Variants in RASA2 observed in about 807,000 individuals in gnomAD.
RASA2 encodes the protein RAS p21 protein activator 2.
In RASA2, 155 loss-of-function variants were observed where a neutral mutation model predicts 118.2. The observed-to-expected ratio is 1.31, with a 90% CI of 1.15 to 1.50. The LOEUF is 1.50. Among genes scored for constraint, RASA2 ranks in the 40% most tolerant of loss-of-function variants. RASA2 has a pLI of 0.00. For missense variants in RASA2, 1,016 were observed against 1,009.6 expected, an observed-to-expected ratio of 1.01 and a Z score of -0.09; for synonymous variants, 353 against 349.1, an observed-to-expected ratio of 1.01 and a Z score of -0.12.
At chr3:141,571,178 T>A in intron 10 of RASA2, 110 bp downstream of exon 10, 1 of 1,212,252 alleles carries the variant, frequency 8.2e-7, no homozygotes, top group Non-Finnish European at 1.1e-6. Flanking sequence ...ACAGTAAAAA[T>A]TATATACATA....
chr3:141,586,311 A>G (rs1207325687), intron 18 of RASA2, among the ~76,000 whole-genome samples: 2 of 152,172 alleles, frequency 1.3e-5, no homozygotes, highest in Non-Finnish European at 2.9e-5. Context: ...TTGTTTTGCA[A>G]TTATAGTGAG....
At chr3:141,523,768 A>G (rs1192066799) in intron 3 of RASA2, among the ~76,000 whole-genome samples, 2 of 152,186 alleles carry the variant, frequency 1.3e-5, no homozygotes, top group Non-Finnish European at 2.9e-5. Context: ...CTTGGTTCAG[A>G]ACCATATAGA....
At chr3:141,504,030 A>G (rs1319974587) in intron 1 of RASA2, among the ~76,000 whole-genome samples, 3 of 152,210 alleles carry the variant, frequency 2.0e-5, no homozygotes, top group Non-Finnish European at 2.9e-5. Flanking sequence ...CCAAAGTTAT[A>G]TACACACGCA....
At chr3:141,520,158 A>G (rs112819562) in intron 3 of RASA2, among the ~76,000 whole-genome samples, 4,652 of 151,744 alleles carry the variant, frequency 0.031, 236 homozygotes, top group African/African-American at 0.1. Flanking sequence ...GATTACAGGC[A>G]TGCAACACCA....
Position 141,487,063 on chromosome 3 carries a change from C to G in RASA2, c.-21C>G. 1.6e-6 allele frequency: 2 copies of G among 1,247,342 alleles called. No individual in the cohort carries two copies. The highest frequency in any genetic ancestry group is 2.0e-6 in the Non-Finnish European group (2 of 989,878). 77.3% of individuals were successfully genotyped at this position (1,247,342 alleles called of 1,614,324 possible). A position where few individuals can be genotyped will look rare whatever the true frequency, so the allele number is the denominator to read the frequency against. On this transcript the variant is annotated 5_prime_UTR_variant, in exon 1 of 24. Coordinates refer to ENST00000286364, the MANE Select transcript of RASA2 (RefSeq NM_006506.5). ...CCCGGCTACGCAGGCGGCAGGGCTG[C>G]GGCACGGGCCGGGCGGCACCATGGC...
At position 141,614,954 on chromosome 3, in the gene RASA2, A is replaced by G. The variant is rs916043226; in HGVS notation, c.*2641A>G. On this transcript the variant is annotated 3_prime_UTR_variant, in exon 24 of 24. Coordinates refer to ENST00000286364, the MANE Select transcript of RASA2 (RefSeq NM_006506.5). The stretch of plus-strand genomic sequence containing the variant: ...TTTCATTTATGCCAGGTTTTGAAAA[A>G]CAGATCTTTTTCTTAAGTGAAAGCA... 20 of 152,158 alleles carry G rather than the reference A, an allele frequency of 1.3e-4. No homozygotes were observed. The highest frequency in any genetic ancestry group is 2.4e-4 in the Non-Finnish European group (16 of 68,032). The allele number at this position is 152,158 out of a possible 1,614,324, so 9.4% of individuals were successfully genotyped here.
At chr3:141,492,531 G>A (rs2081651324) in intron 1 of RASA2, among the ~76,000 whole-genome samples, 2 of 152,110 alleles carry the variant, frequency 1.3e-5, no homozygotes, top group Non-Finnish European at 2.9e-5. Flanking sequence ...TGACAAATTT[G>A]TTTTCCTGTC....
At chr3:141,584,007 T>C (rs1382680738) in intron 17 of RASA2, among the ~76,000 whole-genome samples, 2 of 151,292 alleles carry the variant, frequency 1.3e-5, no homozygotes, top group Non-Finnish European at 2.9e-5. Flanking sequence ...ATCAAAGTAA[T>C]GGTAGATTAA....
chr3:141,501,221 C>T (rs541641030), intron 1 of RASA2, among the ~76,000 whole-genome samples: 49 of 152,202 alleles, frequency 3.2e-4, no homozygotes, highest in Non-Finnish European at 2.4e-4. Flanking sequence ...AAAGGTTGGA[C>T]GTGTTTCCAT....
intron 6 of RASA2, among the ~76,000 whole-genome samples, chr3:141,554,943 A>G (rs2082626456): frequency 6.6e-6 from 1 of 152,134 alleles, no homozygotes; most frequent in Non-Finnish European, 1.5e-5. Flanking sequence ...ACAGTTAGAG[A>G]CAATTTGGCA....
At chr3:141,542,783 A>AC (rs1305254013) in intron 5 of RASA2, among the ~76,000 whole-genome samples, 13 of 152,078 alleles carry the variant, frequency 8.5e-5, no homozygotes, top group Non-Finnish European at 1.5e-4. Context: ...TATAGTCATA[A>AC]CCACTCCTCT....
rs564990226 is a variant in RASA2 at position 141,518,377 on chromosome 3, G to A, written c.355+1946G>A. On this transcript the variant is annotated intron_variant, in intron 3 of 23. Coordinates refer to ENST00000286364, the MANE Select transcript of RASA2 (RefSeq NM_006506.5). ...GCGCACCTGTAGTCCCAGCTACTCA[G>A]GAGGCTGAGGCAGAAGAATCGCTTG... Among the ~76,000 whole-genome samples, 169 of 149,252 alleles carry A rather than the reference G, an allele frequency of 1.1e-3. 1 individual carries two copies. The highest frequency in any genetic ancestry group is 3.9e-3 in the African/African-American group (158 of 40,568).
In RASA2 at chr3:141,491,662, C is replaced by A. The variant is rs2081641225; in HGVS notation, c.133+4446C>A. Among the ~76,000 whole-genome samples, 3 of 152,094 alleles carry A rather than the reference C, an allele frequency of 2.0e-5. No homozygotes were observed. In the South Asian group the frequency reaches 6.2e-4, roughly 32 times the overall value. ...ATGAGTCTGCATCAGGAAGTTCATC[C>A]CTTTCAAAATCACAGTGCCCACTAA... On this transcript the variant is annotated intron_variant, in intron 1 of 23. Transcript: ENST00000286364.
At chr3:141,535,599 G>C (rs1276129389) in intron 4 of RASA2, among the ~76,000 whole-genome samples, 1 of 152,164 alleles carries the variant, frequency 6.6e-6, no homozygotes, top group Non-Finnish European at 1.5e-5. Flanking sequence ...TCTGCAGGCT[G>C]TACAGGAAGT....
intron 5 of RASA2, among the ~76,000 whole-genome samples, chr3:141,551,838 C>T: frequency 6.6e-6 from 1 of 152,122 alleles, no homozygotes; most frequent in Non-Finnish European, 1.5e-5. Flanking sequence ...ATTTTAGATA[C>T]TATATTGTAA....
intron 5 of RASA2, among the ~76,000 whole-genome samples, chr3:141,553,278 T>C (rs2082600412): frequency 6.6e-6 from 1 of 152,208 alleles, no homozygotes; most frequent in South Asian, 2.1e-4. Flanking sequence ...TTTGCACCAC[T>C]TTCTTTTCCT....
At chr3:141,504,628 A>T (rs1218437850) in intron 1 of RASA2, among the ~76,000 whole-genome samples, 1 of 152,120 alleles carries the variant, frequency 6.6e-6, no homozygotes, top group Admixed American at 6.5e-5. Flanking sequence ...TGAGATTACT[A>T]CAGTAGCCTC....
chr3:141,562,675 G>A (rs1264498078), intron 9 of RASA2, among the ~76,000 whole-genome samples: 6 of 146,254 alleles, frequency 4.1e-5, no homozygotes, highest in African/African-American at 1.3e-4. Context: ...CAGAAATAAC[G>A]TTAAACTTTT....
At chr3:141,531,969 A>G (rs1577692140) in intron 4 of RASA2, among the ~76,000 whole-genome samples, 3 of 152,138 alleles carry the variant, frequency 2.0e-5, no homozygotes, top group African/African-American at 7.2e-5. Flanking sequence ...TTACAAAAAT[A>G]CCATGAAACA....
Sources: gnomAD v4.1 joint callset for allele counts (sites outside exome capture counted in the v4.1 genomes callset) on GRCh38, gnomAD v4.1.1 for gene constraint, MANE v1.5 for transcripts, NCBI Gene and HGNC (gene_info 2026-07-23, HGNC 2026-07-21) for gene names.